SPESP1: variants seen among roughly 807,000 people sequenced by gnomAD.
SPESP1 encodes the protein equatorial segment protein.
In SPESP1, 1 loss-of-function variant was observed where a neutral mutation model predicts 3.1. The observed-to-expected ratio is 0.33, with a 90% CI of 0.12 to 1.54. The LOEUF (loss-of-function observed/expected upper bound fraction) is 1.54, where lower values mean the gene tolerates loss of function less well. Ranked by LOEUF, SPESP1 falls within the 40% of genes most tolerant of loss-of-function variation. SPESP1 has a pLI of 0.38. For missense variants in SPESP1, 398 were observed against 410.1 expected, an observed-to-expected ratio of 0.97 and a Z score of 0.26; for synonymous variants, 138 against 150.7, an observed-to-expected ratio of 0.92 and a Z score of 0.62.
chr15:68,940,064 A>C (rs1181760547), intron 1 of SPESP1, among the ~76,000 whole-genome samples: 1 of 152,240 alleles, frequency 6.6e-6, no homozygotes, highest in African/African-American at 2.4e-5. Flanking sequence ...TATGTACACA[A>C]GTACAAAGAA....
In SPESP1 at chr15:68,946,774, A is replaced by C; in HGVS notation, c.*187A>C. ...TGTGTTATGAACAATTTTCATATGC[A>C]CTAAAAACCTAATTTAAAATAAAAT... On this transcript the variant is annotated 3_prime_UTR_variant, in exon 2 of 2. Transcript: ENST00000310673. 4 of 686,444 alleles carry C rather than the reference A, an allele frequency of 5.8e-6. No homozygotes were observed. Among genetic ancestry groups the C allele is most frequent in the Non-Finnish European group, 8.0e-6 (4 of 499,222 alleles). The allele number at this position is 686,444 out of a possible 1,614,324, so 42.5% of individuals were successfully genotyped here. A position where few individuals can be genotyped will look rare whatever the true frequency, so the allele number is the denominator to read the frequency against.
chr15:68,938,923 T>G (rs1008332888), intron 1 of SPESP1, among the ~76,000 whole-genome samples: 3 of 152,256 alleles, frequency 2.0e-5, no homozygotes, highest in Non-Finnish European at 2.9e-5. Context: ...GATCATTCAA[T>G]CAGTGGAAGC....
chr15:68,934,921 A>G (rs1435868880), intron 1 of SPESP1, among the ~76,000 whole-genome samples: 1 of 152,102 alleles, frequency 6.6e-6, no homozygotes. Context: ...AGGATCCCAT[A>G]TATTTTTAAA....
rs1438480181 is a variant in SPESP1 at position 68,946,305 on chromosome 15, TA to T, written c.774del (p.Asp259IlefsTer3). The T allele has an allele frequency of 6.2e-7, 1 of 1,614,110 alleles. No homozygotes were observed. Among genetic ancestry groups the T allele is most frequent in the South Asian group, 1.1e-5 (1 of 91,084 alleles). ...PAYREDIEAS[K>X]DHLKRSLALA... is the part of the protein sequence containing the mutation. ...CATATAGAGAAGATATTGAAGCCTC[TA>T]AAGATCACCTAAAACGAAGCCTTGC... On this transcript the variant is annotated frameshift_variant, in exon 2 of 2. Coordinates refer to ENST00000310673, the MANE Select transcript of SPESP1 (RefSeq NM_145658.4). LOFTEE classifies it low-confidence loss of function (END_TRUNC).
At chr15:68,938,516 T>G (rs1416305189) in intron 1 of SPESP1, among the ~76,000 whole-genome samples, 1 of 152,132 alleles carries the variant, frequency 6.6e-6, no homozygotes, top group Non-Finnish European at 1.5e-5. Flanking sequence ...AGAACAAAAT[T>G]TGGTCATATT....
At chr15:68,936,272 A>T (rs2140420260) in intron 1 of SPESP1, among the ~76,000 whole-genome samples, 1 of 152,358 alleles carries the variant, frequency 6.6e-6, no homozygotes, top group African/African-American at 2.4e-5. Flanking sequence ...AGCATCCATA[A>T]TTGGTGATTA....
At position 68,946,583 on chromosome 15, in the gene SPESP1, A is replaced by G. The variant is rs756846076; in HGVS notation, c.1049A>G (p.Tyr350Cys). 6.9e-7 allele frequency: 1 copy of G among 1,452,600 alleles called. No homozygotes were observed. The highest frequency in any genetic ancestry group is 9.0e-7 in the Non-Finnish European group (1 of 1,106,082). 90.0% of individuals were successfully genotyped at this position (1,452,600 alleles called of 1,614,324 possible). ...AGAGTCACAGCCTTATTAAAAGTTT[A>G]TTAAACAATAATATAAAAATTTTAA... ...SRRVTALLKV[Y>C] Residue 350 changes from tyrosine to cysteine, a missense_variant, in exon 2 of 2, where the codon TAT (tyrosine) becomes TGT (cysteine). By Grantham distance (194) the Tyr-to-Cys change is radical. Transcript: ENST00000310673.
intron 1 of SPESP1, among the ~76,000 whole-genome samples, chr15:68,933,008 C>A (rs931739939): frequency 2.0e-5 from 3 of 150,898 alleles, no homozygotes; most frequent in Non-Finnish European, 2.9e-5. Flanking sequence ...TACCAAAATG[C>A]GTATATCATT....
Position 68,930,727 on chromosome 15 carries a change from G to T in SPESP1, c.64+10G>T, listed in dbSNP as rs1317345598. ...GTGCCGGCTTATCCGAGTGAGTGAC[G>T]GGCCTGAGGAGGCAGCGGACCGGGG... On this transcript the variant is annotated intron_variant, in intron 1 of 1. Transcript: ENST00000310673. 2 of 1,613,832 alleles carry T rather than the reference G, an allele frequency of 1.2e-6. No individual in the cohort carries two copies. The highest frequency in any genetic ancestry group is 1.7e-5 in the Admixed American group (1 of 60,030).
At chr15:68,940,383 T>A (rs923066317) in intron 1 of SPESP1, among the ~76,000 whole-genome samples, 1 of 152,178 alleles carries the variant, frequency 6.6e-6, no homozygotes, top group Admixed American at 6.5e-5. Flanking sequence ...TATAAGGACT[T>A]TACAAAACAC....
At chr15:68,935,191 T>G (rs1037906079) in intron 1 of SPESP1, among the ~76,000 whole-genome samples, 1 of 152,208 alleles carries the variant, frequency 6.6e-6, no homozygotes, top group Non-Finnish European at 1.5e-5. Flanking sequence ...ACATTACTCA[T>G]AGGATGCATC....
chr15:68,940,598 A>C (rs1210598505), intron 1 of SPESP1, among the ~76,000 whole-genome samples: 3 of 152,078 alleles, frequency 2.0e-5, no homozygotes, highest in African/African-American at 7.2e-5. Flanking sequence ...TTGCAATTTA[A>C]TTGTTGAAGA....
At chr15:68,943,796 A>AAATGGTGCTTC (rs1483052632) in intron 1 of SPESP1, among the ~76,000 whole-genome samples, 2 of 152,296 alleles carry the variant, frequency 1.3e-5, no homozygotes, top group African/African-American at 4.8e-5. Flanking sequence ...TGCTAATTAC[A>AAATGGTGCTTC]AATGGTGCTT....
chr15:68,943,736 T>C (rs1895887833), intron 1 of SPESP1, among the ~76,000 whole-genome samples: 1 of 151,984 alleles, frequency 6.6e-6, no homozygotes, highest in Non-Finnish European at 1.5e-5. Flanking sequence ...TCTCTGTGAA[T>C]AAAGTAGGAA....
In SPESP1 at chr15:68,942,169, C is replaced by CTTTTTTTTTT. The variant is rs778249415; in HGVS notation, c.65-3427_65-3418dup. On this transcript the variant is annotated intron_variant, in intron 1 of 1. Coordinates refer to ENST00000310673, the MANE Select transcript of SPESP1 (RefSeq NM_145658.4). ...CTGTTATGTAAACAACATCTTATTT[C>CTTTTTTTTTT]TTTTTTTTTTTTGAGACGGAGTCTC... Among the ~76,000 whole-genome samples the CTTTTTTTTTT allele has an allele frequency of 7.2e-3, 1,024 of 142,758 alleles. 18 individuals carry two copies. Among genetic ancestry groups the CTTTTTTTTTT allele is most frequent in the African/African-American group, 0.024 (925 of 38,016 alleles). The allele number at this position is 142,758 out of a possible 152,430, so 93.7% of individuals were successfully genotyped here. A position where few individuals can be genotyped will look rare whatever the true frequency, so the allele number is the denominator to read the frequency against.
rs778470351 is a variant in SPESP1, at chr15:68,945,642, T to C, written c.108T>C (p.Tyr36=). 3 of 1,597,050 alleles carry C rather than the reference T, an allele frequency of 1.9e-6. No individual in the cohort carries two copies. The highest frequency in any genetic ancestry group is 2.3e-5 in the South Asian group (2 of 86,574). ...TPDEEQNLNH[Y]IQVLENLVRS... The stretch of plus-strand genomic sequence containing the variant: ...ATGAAGAGCAAAACTTGAATCATTA[T>C]ATACAAGTTTTAGAGAACCTAGTAC... The change falls in exon 2 of 2, where the codon TAT becomes TAC. Residue 36 remains tyrosine, a synonymous_variant. Transcript: ENST00000310673.
chr15:68,932,220 G>C (rs1325248413), intron 1 of SPESP1, among the ~76,000 whole-genome samples: 1 of 152,180 alleles, frequency 6.6e-6, no homozygotes, highest in African/African-American at 2.4e-5. Flanking sequence ...TTGTAGATCA[G>C]CAAGTCACAA....
Position 68,945,600 on chromosome 15 carries a change from C to A in SPESP1, c.66C>A (p.Ser22Arg), listed in dbSNP as rs1337343545. 1.3e-6 allele frequency: 2 copies of A among 1,549,504 alleles called. No homozygotes were observed. The highest frequency in any genetic ancestry group is 2.8e-5 in the African/African-American group (2 of 72,108). Residue 22 changes from serine (S) to arginine (R), a missense_variant and splice_region_variant, in exon 2 of 2, where the codon AGC (serine) becomes AGA (arginine). Ser to Arg is a moderately radical substitution (Grantham distance 110, BLOSUM62 -1). Transcript: ENST00000310673. Reference sequence around the variant, plus strand: ...ATTTATTTGATTTTTTCCCTGAAGGCATAACTGTGACACCTGATGAAGAGC... The same window carrying A: ...ATTTATTTGATTTTTTCCCTGAAGGAATAACTGTGACACCTGATGAAGAGC... ...LWPSSVPAYP[S>R]ITVTPDEEQN...
At chr15:68,930,750 G>C in intron 1 of SPESP1, 33 bp downstream of exon 1, 2 of 1,613,330 alleles carry the variant, frequency 1.2e-6, no homozygotes, top group Non-Finnish European at 1.7e-6. Context: ...CAGCGGACCG[G>C]GGACACCCTG....
Sources: gnomAD v4.1 joint callset for allele counts (sites outside exome capture counted in the v4.1 genomes callset) on GRCh38, gnomAD v4.1.1 for gene constraint, MANE v1.5 for transcripts, NCBI Gene and HGNC (gene_info 2026-07-23, HGNC 2026-07-21) for gene names.